The following NBEA variants were observed in gnomAD, a reference collection of about 807,000 sequenced individuals.
The protein encoded by NBEA is lysosomal-trafficking regulator 2.
NBEA carries 44 observed loss-of-function variants against 343.4 expected under a neutral mutation model. The observed-to-expected ratio is 0.13, with a 90% CI of 0.10 to 0.16. The LOEUF (loss-of-function observed/expected upper bound fraction) is 0.16. NBEA is among the 10% of genes least tolerant of loss of function. The pLI, the probability that NBEA is intolerant of heterozygous loss-of-function variation, is 1.00. For synonymous variants in NBEA, 1,175 were observed against 1,238.7 expected, an observed-to-expected ratio of 0.95 and a Z score of 1.08; for missense variants, 2,555 against 3,631.3, an observed-to-expected ratio of 0.70 and a Z score of 7.62.
At chr13:35,342,774 A>G (rs2152857962) in intron 36 of NBEA, among the ~76,000 whole-genome samples, 1 of 152,094 alleles carries the variant, frequency 6.6e-6, no homozygotes, top group Admixed American at 6.6e-5. Context: ...GAATAAATAC[A>G]TTTCCAATCA....
intron 34 of NBEA, among the ~76,000 whole-genome samples, chr13:35,236,500 G>T (rs2075239669): frequency 6.6e-6 from 1 of 152,022 alleles, no homozygotes; most frequent in Admixed American, 6.6e-5. Flanking sequence ...AGGCTGGAGT[G>T]TAGTGGCACT....
chr13:35,668,610 A>G (rs2085464864), intron 58 of NBEA, 91 bp downstream of exon 58: 2 of 1,252,274 alleles, frequency 1.6e-6, no homozygotes, highest in Non-Finnish European at 2.1e-6. Context: ...TGTGAGTGCA[A>G]TTCCAGCATC....
At chr13:35,070,603 G>A (rs1329057955) in intron 9 of NBEA, 116 bp from the exon 10 acceptor site, 1 of 924,534 alleles carries the variant, frequency 1.1e-6, no homozygotes, top group Non-Finnish European at 1.5e-6. Context: ...TATAATTGAA[G>A]GCTTAAAAAT....
At chr13:35,107,034 T>A (rs2065953902) in intron 11 of NBEA, among the ~76,000 whole-genome samples, 1 of 151,782 alleles carries the variant, frequency 6.6e-6, no homozygotes, top group African/African-American at 2.4e-5. Flanking sequence ...AGTGTAAGAG[T>A]AGAATGTATC....
intron 38 of NBEA, among the ~76,000 whole-genome samples, chr13:35,425,780 C>G (rs2044624825): frequency 6.6e-6 from 1 of 152,152 alleles, no homozygotes; most frequent in Admixed American, 6.6e-5. Context: ...GTGTGGGAGT[C>G]TGAGTCTCTT....
In NBEA at chr13:35,457,264, T is replaced by C. The variant is rs571120678; in HGVS notation, c.6448+5029T>C. Among the ~76,000 whole-genome samples, 6 of 152,242 alleles carry C rather than the reference T, an allele frequency of 3.9e-5. No individual in the cohort carries two copies. In the South Asian group the frequency reaches 1.2e-3, roughly 32 times the overall value. On this transcript the variant is annotated intron_variant, in intron 40 of 58. Transcript: ENST00000379939. ...TTGTGTTAGCATTTTTTTTTGGAAA[T>C]AGCATTATTGAGATGTAATTCACAT...
At chr13:35,627,327 G>A (rs922396031) in intron 48 of NBEA, among the ~76,000 whole-genome samples, 16 of 152,272 alleles carry the variant, frequency 1.1e-4, no homozygotes, top group South Asian at 6.2e-4. Context: ...AGTGAGAGGC[G>A]TAGTGAGCCA....
At chr13:35,192,787 C>G (rs532830340) in intron 30 of NBEA, among the ~76,000 whole-genome samples, 1 of 151,986 alleles carries the variant, frequency 6.6e-6, no homozygotes, top group East Asian at 1.9e-4. Context: ...CTTGTGAACA[C>G]CAAATCAGAT....
chr13:35,370,656 T>C (rs900472123), intron 38 of NBEA, among the ~76,000 whole-genome samples: 1 of 152,120 alleles, frequency 6.6e-6, no homozygotes, highest in Non-Finnish European at 1.5e-5. Flanking sequence ...GGTGGTATTC[T>C]ATAGTGGTAA....
intron 31 of NBEA, among the ~76,000 whole-genome samples, chr13:35,201,717 A>C (rs937672624): frequency 6.6e-6 from 1 of 152,100 alleles, no homozygotes; most frequent in Non-Finnish European, 1.5e-5. Context: ...ATAAATTTCC[A>C]AAATCCTATT....
At chr13:35,545,638 A>T (rs1360953278) in intron 41 of NBEA, among the ~76,000 whole-genome samples, 1 of 152,232 alleles carries the variant, frequency 6.6e-6, no homozygotes, top group African/African-American at 2.4e-5. Context: ...TCTTTGACAT[A>T]CCTTAGTATA....
chr13:35,526,592 G>A (rs962815732), intron 41 of NBEA, among the ~76,000 whole-genome samples: 4 of 152,194 alleles, frequency 2.6e-5, no homozygotes, highest in African/African-American at 9.6e-5. Context: ...TTTTCCAGCT[G>A]GAAACCTCTG....
intron 41 of NBEA, among the ~76,000 whole-genome samples, chr13:35,518,160 T>C (rs1389496206): frequency 6.6e-6 from 1 of 152,174 alleles, no homozygotes; most frequent in Non-Finnish European, 1.5e-5. Context: ...TGAAGGTCAC[T>C]ATTTCCTTGA....
chr13:35,186,280 G>T (rs1179034721), intron 30 of NBEA: 1 of 152,222 alleles, frequency 6.6e-6, no homozygotes, highest in Non-Finnish European at 1.5e-5. Context: ...ACTCCAGCCT[G>T]AGCAACAGAG....
intron 17 of NBEA, among the ~76,000 whole-genome samples, chr13:35,127,750 G>A (rs1397457413): frequency 2.6e-5 from 4 of 152,020 alleles, no homozygotes; most frequent in African/African-American, 9.7e-5. Context: ...CAGTTAAAAA[G>A]ATAAGCAGTT....
chr13:35,602,656 AG>A (rs1220423630), intron 47 of NBEA, among the ~76,000 whole-genome samples: 2 of 152,216 alleles, frequency 1.3e-5, no homozygotes, highest in East Asian at 3.8e-4. Flanking sequence ...TCTACATCTT[AG>A]TTAATGCCCT....
chr13:35,054,643 C>CTTTTTTTTT (rs1186551019), intron 6 of NBEA, among the ~76,000 whole-genome samples: 3 of 117,452 alleles, frequency 2.6e-5, no homozygotes, highest in African/African-American at 6.3e-5. Flanking sequence ...GTTTTCTTTT[C>CTTTTTTTTT]TTTTTTTTTT....
chr13:35,149,264 T>G (rs796264925), intron 18 of NBEA, among the ~76,000 whole-genome samples: 45 of 152,206 alleles, frequency 3.0e-4, no homozygotes, highest in African/African-American at 1.0e-3. Flanking sequence ...TCATTTTCTT[T>G]CTTTATTCTG....
chr13:35,263,171 A>G (rs1008022582), intron 34 of NBEA, among the ~76,000 whole-genome samples: 6 of 152,240 alleles, frequency 3.9e-5, no homozygotes, highest in Non-Finnish European at 7.3e-5. Flanking sequence ...AAAGTCTCCT[A>G]TATACAGTCA....
Sources: gnomAD v4.1 joint callset for allele counts (sites outside exome capture counted in the v4.1 genomes callset) on GRCh38, gnomAD v4.1.1 for gene constraint, MANE v1.5 for transcripts, NCBI Gene and HGNC (gene_info 2026-07-23, HGNC 2026-07-21) for gene names.